RPL23A: variants seen among roughly 807,000 people sequenced by gnomAD.
RPL23A encodes the protein ribosomal protein L23a.
Under a neutral mutation model 17.6 loss-of-function variants are expected in RPL23A, and 2 were observed. That is an observed-to-expected ratio of 0.11 (90% CI 0.05 to 0.36). The LOEUF (loss-of-function observed/expected upper bound fraction) is 0.36, where lower values mean the gene tolerates loss of function less well. Ranked by LOEUF, RPL23A falls within the 10% of genes least tolerant of loss-of-function variation. RPL23A has a pLI of 1.00. For missense variants in RPL23A, 132 were observed against 194.4 expected (o/e 0.68, Z 1.91); for synonymous variants, 65 against 74.3 (o/e 0.87, Z 0.65).
chr17:28,720,295 C>G, intron 1 of RPL23A: 1 of 1,550,026 alleles, frequency 6.5e-7, no homozygotes. Flanking sequence ...AAGCTACATG[C>G]ATCCACTGGT....
intron 2 of RPL23A, 184 bp from the exon 3 acceptor site, chr17:28,722,539 C>T (rs367587591): frequency 4.2e-5 from 32 of 756,630 alleles, no homozygotes; most frequent in East Asian, 1.0e-4. Flanking sequence ...AAATGCACAA[C>T]GTTCTGCCCC....
intron 1 of RPL23A, 47 bp downstream of exon 1, chr17:28,720,077 C>T: frequency 6.5e-7 from 1 of 1,549,004 alleles, no homozygotes; most frequent in Non-Finnish European, 8.7e-7. Flanking sequence ...GGGATTGCCG[C>T]GCCGCAGAGC....
intron 1 of RPL23A, chr17:28,720,272 A>C (rs1567751304): frequency 6.5e-7 from 1 of 1,543,690 alleles, no homozygotes; most frequent in Non-Finnish European, 8.8e-7. Flanking sequence ...AGGGCCAGAC[A>C]TTCGGTTCTG....
chr17:28,720,227 G>GA lies in RPL23A; in HGVS notation c.25+197_25+198insA. 4.6e-6 allele frequency: 7 copies of GA among 1,536,266 alleles called. No individual in the cohort carries two copies. The South Asian group carries it at 7.2e-5, about 16-fold the overall frequency. The stretch of plus-strand genomic sequence containing the variant: ...GGCTGAGTTCCGGTAGAGGGAGTTG[G>GA]GGGGGGGCAACGCGGCAGGCATCAT... On this transcript the variant is annotated intron_variant, in intron 1 of 4. Coordinates refer to ENST00000422514, the MANE Select transcript of RPL23A (RefSeq NM_000984.6).
chr17:28,720,029 A>G lies in RPL23A; in HGVS notation c.24A>G (p.Glu8=), dbSNP rs1238974412. The G allele has an allele frequency of 7.7e-6, 12 of 1,551,704 alleles. No individual in the cohort carries two copies. In the East Asian group the frequency reaches 1.2e-4, roughly 16 times the overall value. ...AGATGGCGCCGAAAGCGAAGAAGGA[A>G]GGTGTGTGTTGGTGATGGGGCCGCA... is the stretch of plus-strand genomic sequence containing the variant. MAPKAKK[E]APAPPKAEAK... is the part of the protein sequence containing the mutation. Residue 8 remains glutamate, a splice_region_variant and synonymous_variant, in exon 1 of 5, where the codon GAA becomes GAG. Transcript: ENST00000422514.
chr17:28,720,904 C>T lies in RPL23A; in HGVS notation c.209+14C>T. On this transcript the variant is annotated intron_variant, in intron 2 of 4. Coordinates refer to ENST00000422514, the MANE Select transcript of RPL23A (RefSeq NM_000984.6). The stretch of plus-strand genomic sequence containing the variant: ...CAGGAGAAACAAGTCAGTACTGCCC[C>T]CTGTACCCATGAAAAGATTTGGGTA... The T allele has an allele frequency of 6.2e-7, 1 of 1,606,572 alleles. No homozygotes were observed. Among genetic ancestry groups the T allele is most frequent in the Non-Finnish European group, 8.5e-7 (1 of 1,175,264 alleles).
rs140537850 is a variant in RPL23A at position 28,723,189 on chromosome 17, T to C, written c.386+290T>C. 2.0e-3 allele frequency: 1,045 copies of C among 532,690 alleles called. 10 individuals are homozygous for C. Among genetic ancestry groups the C allele is most frequent in the African/African-American group, 0.018 (923 of 52,396 alleles). The allele number at this position is 532,690 out of a possible 1,614,324, so 33.0% of individuals were successfully genotyped here. Reference sequence around the variant, plus strand: ...TTCCTTGACTTAAACTTGGTGTAGGTTTAGCAGTGTGTGTGAGCCTTGAGG... The same window carrying C: ...TTCCTTGACTTAAACTTGGTGTAGGCTTAGCAGTGTGTGTGAGCCTTGAGG... On this transcript the variant is annotated intron_variant, in intron 3 of 4. Transcript: ENST00000422514.
intron 3 of RPL23A, 59 bp downstream of exon 3, chr17:28,722,958 A>C (rs1030775734): frequency 1.1e-5 from 16 of 1,407,102 alleles, no homozygotes; most frequent in Non-Finnish European, 1.5e-5. Flanking sequence ...AGCCAAAAAA[A>C]CCTGCATTCC....
At position 28,722,814 on chromosome 17, in the gene RPL23A, G is replaced by A; in HGVS notation, c.301G>A (p.Asp101Asn). ...EDNNTLVFIV[D>N]VKANKHQIKQ... is the part of the protein sequence containing the mutation. ...CAACAACACACTTGTGTTCATTGTG[G>A]ATGTTAAAGCCAACAAGCACCAGAT... The change falls in exon 3 of 5, where the codon GAT becomes AAT. Residue 101 changes from aspartate (D) to asparagine (N), a missense_variant. By Grantham distance (23) the Asp-to-Asn change is conservative. Coordinates refer to ENST00000422514, the MANE Select transcript of RPL23A (RefSeq NM_000984.6). 6.2e-7 allele frequency: 1 copy of A among 1,613,628 alleles called. No individual in the cohort carries two copies. Among genetic ancestry groups the A allele is most frequent in the Non-Finnish European group, 8.5e-7 (1 of 1,179,586 alleles).
intron 3 of RPL23A, 150 bp downstream of exon 3, chr17:28,723,049 G>A (rs1313064095): frequency 6.2e-6 from 4 of 650,362 alleles, no homozygotes; most frequent in African/African-American, 1.8e-5. Flanking sequence ...GATCTCTTGA[G>A]GCCAGGAATC....
At position 28,722,769 on chromosome 17, in the gene RPL23A, G is replaced by T. The variant is rs2034139600; in HGVS notation, c.256G>T (p.Ala86Ser). 1 of 1,613,864 alleles carries T rather than the reference G, an allele frequency of 6.2e-7. No homozygotes were observed. Among genetic ancestry groups the T allele is most frequent in the African/African-American group, 1.3e-5 (1 of 74,924 alleles). ...IIKFPLTTES[A>S]MKKIEDNNTL... is the part of the protein sequence containing the mutation. ...CAAGTTTCCGCTGACCACTGAGTCT[G>T]CCATGAAGAAGATAGAAGACAACAA... The change falls in exon 3 of 5, where the codon GCC (alanine) becomes TCC (serine). Residue 86 changes from alanine to serine, a missense_variant. Around this residue, in one of 2 missense-constraint regions of RPL23A, gnomAD observed 69 missense variants for 145.5 expected, o/e 0.47. Transcript: ENST00000422514.
intron 3 of RPL23A, chr17:28,723,223 A>T (rs1218728307): frequency 1.9e-6 from 1 of 534,454 alleles, no homozygotes; most frequent in Non-Finnish European, 3.4e-6. Context: ...GGCAGGAATT[A>T]CAGGCTGCTT....
chr17:28,723,323 A>G (rs558603653), intron 3 of RPL23A: 3 of 682,654 alleles, frequency 4.4e-6, no homozygotes, highest in Admixed American at 2.0e-5. Context: ...CTATTGGGAA[A>G]GGCAACTAGA....
intron 2 of RPL23A, chr17:28,722,263 A>G (rs190889042): frequency 0.055 from 11,638 of 210,288 alleles, 1,149 homozygotes; most frequent in African/African-American, 0.24. Context: ...AAAAAAAAAA[A>G]GGAATTTGCC....
Position 28,720,828 on chromosome 17 carries a change from G to T in RPL23A, c.147G>T (p.Pro49=), listed in dbSNP as rs781326437. 1 of 1,613,984 alleles carries T rather than the reference G, an allele frequency of 6.2e-7. No homozygotes were observed. Among genetic ancestry groups the T allele is most frequent in the Non-Finnish European group, 8.5e-7 (1 of 1,179,836 alleles). The change falls in exon 2 of 5, where the codon CCG becomes CCT. Residue 49 remains proline (P), a synonymous_variant. Transcript: ENST00000422514. ...KIRTSPTFRR[P]KTLRLRRQPK... The stretch of plus-strand genomic sequence containing the variant: ...GCACGTCACCCACCTTCCGGCGGCC[G>T]AAGACACTGCGACTCCGGAGACAGC...
Position 28,720,010 on chromosome 17 carries a change from C to T in RPL23A, c.5C>T (p.Ala2Val), listed in dbSNP as rs769648454. 3.7e-5 allele frequency: 58 copies of T among 1,551,866 alleles called. No homozygotes were observed. The highest frequency in any genetic ancestry group is 5.0e-5 in the Non-Finnish European group (57 of 1,147,094). ...ATTGGAGACCCTTTTCACAAGATGG[C>T]GCCGAAAGCGAAGAAGGAAGGTGTG... M[A>V]PKAKKEAPAP... The change falls in exon 1 of 5, where the codon GCG becomes GTG. Residue 2 changes from alanine (A) to valine (V), a missense_variant. Ala to Val is a moderately conservative substitution (Grantham distance 64, BLOSUM62 0). Transcript: ENST00000422514.
chr17:28,720,138 G>A (rs1054663540), intron 1 of RPL23A, 108 bp downstream of exon 1: 101 of 1,525,190 alleles, frequency 6.6e-5, no homozygotes, highest in Non-Finnish European at 7.9e-5. Flanking sequence ...GCTCTGCTCC[G>A]GGGCTGCTCC....
At chr17:28,723,803 A>T in intron 4 of RPL23A, 64 bp from the exon 5 acceptor site, 1 of 1,523,514 alleles carries the variant, frequency 6.6e-7, no homozygotes. Context: ...GCTTTCTAAA[A>T]ATAACATTCC....
chr17:28,720,443 T>C (rs2034093908), intron 1 of RPL23A: 1 of 1,611,956 alleles, frequency 6.2e-7, no homozygotes. Flanking sequence ...ATGTGTAAAA[T>C]TCGTAGGACA....
Sources: allele counts gnomAD v4.1 joint callset, GRCh38; gene constraint gnomAD v4.1.1; regional missense constraint gnomAD v4.1.1; transcripts MANE v1.5; gene names NCBI Gene and HGNC (gene_info 2026-07-23, HGNC 2026-07-21).